The following RADIL variants were observed in gnomAD, a reference collection of about 807,000 sequenced individuals.
The protein encoded by RADIL is Rap associating with DIL domain.
Under a neutral mutation model 97.6 loss-of-function variants are expected in RADIL, and 99 were observed. The observed-to-expected ratio is 1.01, with a 90% CI of 0.86 to 1.20. The LOEUF is 1.20. RADIL is among the 50% of genes most tolerant of loss of function. RADIL has a pLI of 0.00. For missense variants in RADIL, 1,765 were observed against 1,498.9 expected (o/e 1.18, Z -2.93); for synonymous variants, 803 against 691.8 (o/e 1.16, Z -2.52).
At chr7:4,853,215 A>G (rs1783750488) in intron 2 of RADIL, among the ~76,000 whole-genome samples, 1 of 152,104 alleles carries the variant, frequency 6.6e-6, no homozygotes, top group Non-Finnish European at 1.5e-5. Context: ...CCGCCCTCCA[A>G]CCTTGAGCGT....
At chr7:4,847,692 C>T (rs553315760) in intron 2 of RADIL, among the ~76,000 whole-genome samples, 1 of 106,994 alleles carries the variant, frequency 9.3e-6, no homozygotes, top group Non-Finnish European at 1.7e-5. Flanking sequence ...ATACCTCTTA[C>T]AACATGGATG....
chr7:4,849,980 AG>A lies in RADIL; in HGVS notation c.536-13376del, dbSNP rs1783668364. 6.6e-6 allele frequency among the ~76,000 whole-genome samples: 1 copy of A among 152,148 alleles called. No homozygotes were observed. The highest frequency in any genetic ancestry group is 1.5e-5 in the Non-Finnish European group (1 of 68,022). On this transcript the variant is annotated intron_variant, in intron 2 of 14. Transcript: ENST00000399583. The surrounding 1 kb of genome is among the most constrained non-coding windows in gnomAD (Gnocchi z 5.4). ...TTTCTTGGTGAAATATAGTATATGT[AG>A]GAATGTATGTTGCAAAATTGTTCCT...
chr7:4,811,637 G>A (rs1323606719), intron 9 of RADIL, among the ~76,000 whole-genome samples: 8 of 151,078 alleles, frequency 5.3e-5, no homozygotes, highest in African/African-American at 1.2e-4. Flanking sequence ...ACAGGCGCCC[G>A]CCACCGTGCC....
At chr7:4,838,100 G>A (rs192840267) in intron 2 of RADIL, 12 of 966,600 alleles carry the variant, frequency 1.2e-5, no homozygotes, top group East Asian at 1.1e-4. Flanking sequence ...CCGCCCAGCC[G>A]CAGTGCGAGG....
intron 2 of RADIL, among the ~76,000 whole-genome samples, chr7:4,865,224 G>A (rs777453135): frequency 3.3e-5 from 5 of 152,188 alleles, no homozygotes; most frequent in African/African-American, 9.7e-5. Context: ...ATGAGCACAT[G>A]TGCTTCTTTT....
intron 9 of RADIL, among the ~76,000 whole-genome samples, chr7:4,810,911 G>A (rs567606529): frequency 2.6e-5 from 4 of 152,294 alleles, no homozygotes; most frequent in East Asian, 1.9e-4. Context: ...TGAGGTGGGC[G>A]GATCACCTGA....
chr7:4,860,774 A>C, intron 2 of RADIL: 1 of 1,614,206 alleles, frequency 6.2e-7, no homozygotes. Flanking sequence ...TGTGATAGCA[A>C]GCCCCTGTTT....
Position 4,817,455 on chromosome 7 carries a change from C to T in RADIL, c.1616-104G>A, listed in dbSNP as rs1057385168. The T allele has an allele frequency of 3.2e-5, 32 of 986,648 alleles. No individual in the cohort carries two copies. Among genetic ancestry groups the T allele is most frequent in the East Asian group, 2.2e-4 (8 of 36,850 alleles). 61.1% of individuals were successfully genotyped at this position (986,648 alleles called of 1,614,324 possible). Reference sequence around the variant, plus strand: ...TTTCCCTGGCGCGGGCACCACCCAACGCGCCCATCTGGGGTCCAGATGCGA... The same window carrying T: ...TTTCCCTGGCGCGGGCACCACCCAATGCGCCCATCTGGGGTCCAGATGCGA... On this transcript the variant is annotated intron_variant, in intron 6 of 14. Coordinates refer to ENST00000399583, the MANE Select transcript of RADIL (RefSeq NM_018059.5). The surrounding 1 kb of genome is among the most constrained non-coding windows in gnomAD (Gnocchi z 8.3).
rs577136898 is a variant in RADIL, at chr7:4,813,426, C to T, written c.2139+1852G>A. On this transcript the variant is annotated intron_variant, in intron 9 of 14. Coordinates refer to ENST00000399583, the MANE Select transcript of RADIL (RefSeq NM_018059.5). This position sits in a 1 kb window ranked among gnomAD's most constrained non-coding sequence, Gnocchi z 5.0. Reference sequence around the variant, plus strand: ...GTTCCGTTTTAAAGCCTCTCTCCATCGCACTCCCTGGAGATTCAGAATGTT... The same window carrying T: ...GTTCCGTTTTAAAGCCTCTCTCCATTGCACTCCCTGGAGATTCAGAATGTT... Among the ~76,000 whole-genome samples the T allele has an allele frequency of 1.4e-4, 21 of 152,218 alleles. No individual in the cohort carries two copies. Among genetic ancestry groups the T allele is most frequent in the Non-Finnish European group, 2.6e-4 (18 of 68,050 alleles).
chr7:4,802,267 C>CGGGCACCTCGGGGCACGCTGGCTGGGG (rs1782114376), intron 11 of RADIL, among the ~76,000 whole-genome samples: 1 of 152,120 alleles, frequency 6.6e-6, no homozygotes, highest in Non-Finnish European at 1.5e-5. Flanking sequence ...CCTGTCCTCC[C>CGGGCACCTCGGGGCACGCTGGCTGGGG]GGGCACCTCG....
chr7:4,809,460 C>T (rs1159354644), intron 9 of RADIL: 27 of 985,320 alleles, frequency 2.7e-5, no homozygotes, highest in African/African-American at 3.5e-5. Flanking sequence ...CACAAGCCAA[C>T]GAATTTCCCC....
At chr7:4,828,685 G>A (rs1783060803) in intron 5 of RADIL, among the ~76,000 whole-genome samples, 1 of 152,236 alleles carries the variant, frequency 6.6e-6, no homozygotes, top group South Asian at 2.1e-4. Flanking sequence ...TCACGGGGGA[G>A]TGACAGATTC....
At chr7:4,838,601 G>A (rs1043100641) in intron 2 of RADIL, among the ~76,000 whole-genome samples, 11 of 152,184 alleles carry the variant, frequency 7.2e-5, no homozygotes, top group Non-Finnish European at 1.2e-4. Flanking sequence ...GCTCTCTGCA[G>A]GTCGGAACCA....
chr7:4,850,216 TAAAAAAAAAAA>T (rs34276261), intron 2 of RADIL, among the ~76,000 whole-genome samples: 1 of 88,034 alleles, frequency 1.1e-5, no homozygotes, highest in Non-Finnish European at 2.2e-5. Flanking sequence ...ACGATCCCTT[TAAAAAAAAAAA>T]AAAAAAAAAA....
intron 5 of RADIL, among the ~76,000 whole-genome samples, chr7:4,828,858 C>G (rs1282455734): frequency 6.6e-6 from 1 of 152,234 alleles, no homozygotes. Flanking sequence ...AGGGCCCGGG[C>G]CTTCCCGTCA....
Position 4,877,981 on chromosome 7 carries a change from G to C in RADIL, c.159C>G (p.Ala53=), listed in dbSNP as rs114261902. The C allele has an allele frequency of 7.4e-4, 1,198 of 1,611,984 alleles. 13 individuals carry two copies. In the African/African-American group the frequency reaches 0.014, roughly 19 times the overall value. ...GGGCCGACAGCTGGGTGGAGAGCTCGGCGGGGTCATCGCTGGCGCCCAGGC... is the reference window on the plus strand; with the variant it reads ...GGGCCGACAGCTGGGTGGAGAGCTCCGCGGGGTCATCGCTGGCGCCCAGGC... ...FSSLGASDDP[A]ELSTQLSAPG... The change falls in exon 2 of 15, where the codon GCC becomes GCG. Residue 53 remains alanine (A), a synonymous_variant. Coordinates refer to ENST00000399583, the MANE Select transcript of RADIL (RefSeq NM_018059.5).
chr7:4,809,650 C>T (rs117991161), intron 9 of RADIL: 23,649 of 948,372 alleles, frequency 0.025, 343 homozygotes, highest in Middle Eastern at 0.055. Flanking sequence ...GAGTATTTTA[C>T]ATCTTATTTT....
rs550477813 is a variant in RADIL at position 4,835,764 on chromosome 7, C to CG, written c.784-526dup. On this transcript the variant is annotated intron_variant, in intron 3 of 14. Transcript: ENST00000399583. This position sits in a 1 kb window ranked among gnomAD's most constrained non-coding sequence, Gnocchi z 5.8. ...CAAAGGAGCTGGCTGCACAGGAGGG[C>CG]GGGGGTAGGGTGAGCAGGGGGCGGG... 8.5e-5 allele frequency among the ~76,000 whole-genome samples: 10 copies of CG among 117,986 alleles called. No homozygotes were observed. In the South Asian group the frequency reaches 3.0e-3, roughly 35 times the overall value. The allele number at this position is 117,986 out of a possible 152,430, so 77.4% of individuals were successfully genotyped here.
Position 4,824,484 on chromosome 7 carries a change from A to G in RADIL, c.1455-1930T>C, listed in dbSNP as rs1325092163. Among the ~76,000 whole-genome samples, 1 of 152,218 alleles carries G rather than the reference A, an allele frequency of 6.6e-6. No individual in the cohort carries two copies. Among genetic ancestry groups the G allele is most frequent in the Non-Finnish European group, 1.5e-5 (1 of 68,026 alleles). On this transcript the variant is annotated intron_variant, in intron 5 of 14. Coordinates refer to ENST00000399583, the MANE Select transcript of RADIL (RefSeq NM_018059.5). This position sits in a 1 kb window ranked among gnomAD's most constrained non-coding sequence, Gnocchi z 6.7. ...CTGTTTTCCTCCCTGTTCTTTCCCC[A>G]GCTGGGCAGCCGAGCAGGGCTGGGG...
Sources: gnomAD v4.1 joint callset for allele counts (sites outside exome capture counted in the v4.1 genomes callset) on GRCh38, gnomAD v4.1.1 for gene constraint, Gnocchi (gnomAD v3.1) non-coding constraint, MANE v1.5 for transcripts, NCBI Gene and HGNC (gene_info 2026-07-23, HGNC 2026-07-21) for gene names.